Variants in PLXNB2 observed in about 807,000 individuals in gnomAD.
PLXNB2 encodes plexin B2, also known as plexin-B2.
Under a neutral mutation model 202.6 loss-of-function variants are expected in PLXNB2, and 85 were observed. The observed-to-expected ratio is 0.42, with a 90% CI of 0.35 to 0.50. The LOEUF is 0.50. PLXNB2 is among the 20% of genes least tolerant of loss of function. The pLI is 0.02. For missense variants in PLXNB2, 2,063 were observed against 2,586.2 expected, an observed-to-expected ratio of 0.80 and a Z score of 4.39; for synonymous variants, 1,239 against 1,137.6, an observed-to-expected ratio of 1.09 and a Z score of -1.79.
chr22:50,284,698 C>G lies in PLXNB2; in HGVS notation c.2089-33G>C, dbSNP rs375224978. 3 of 1,543,176 alleles carry G rather than the reference C, an allele frequency of 1.9e-6. No individual in the cohort carries two copies. The highest frequency in any genetic ancestry group is 1.8e-6 in the Non-Finnish European group (2 of 1,117,048). On this transcript the variant is annotated intron_variant, in intron 11 of 36. Transcript: ENST00000359337. This position sits in a 1 kb window ranked among gnomAD's most constrained non-coding sequence, Gnocchi z 8.0. ...CCATGCCGTCAGGACCCTGGACAGG[C>G]GGCTGTGGCACCCTGGCCCTCCTCC... is the stretch of plus-strand genomic sequence containing the variant.
Position 50,280,761 on chromosome 22 carries a change from T to A in PLXNB2, c.3976A>T (p.Lys1326Ter). The A allele has an allele frequency of 6.4e-7, 1 of 1,567,894 alleles. No homozygotes were observed. The highest frequency in any genetic ancestry group is 8.7e-7 in the Non-Finnish European group (1 of 1,150,842). The change falls in exon 24 of 37, where the codon AAG (lysine) becomes TAG (stop). Residue 1326 changes from lysine (K) to a stop codon, truncating the protein, a stop_gained. Coordinates refer to ENST00000359337, the MANE Select transcript of PLXNB2 (RefSeq NM_012401.4). LOFTEE classifies it high-confidence loss of function. ...TGGCTCACATTGATGAGGAAAGACT[T>A]GCTGTTCAGCAGGTTGGAGAACTGG... ...LYQFSNLLNS[K>*]SFLINFIHTL...
chr22:50,289,438 C>T lies in PLXNB2; in HGVS notation c.1068+79G>A, dbSNP rs908181399. 3.4e-6 allele frequency: 5 copies of T among 1,468,748 alleles called. No individual in the cohort carries two copies. The South Asian group carries it at 4.0e-5, about 12-fold the overall frequency. 91.0% of individuals were successfully genotyped at this position (1,468,748 alleles called of 1,614,324 possible). ...CGGCCACACTGCTCACGTGCACCCT[C>T]CCCAGCAGGCTGGGACACGCAAACC... On this transcript the variant is annotated intron_variant, in intron 3 of 36. Transcript: ENST00000359337. The surrounding 1 kb of genome is among the most constrained non-coding windows in gnomAD (Gnocchi z 8.0).
chr22:50,300,530 C>T (rs919334377), intron 1 of PLXNB2, among the ~76,000 whole-genome samples: 5 of 152,308 alleles, frequency 3.3e-5, no homozygotes, highest in African/African-American at 1.2e-4. Context: ...CCGGCACAAC[C>T]CGACCTAGGA....
chr22:50,290,621 G>A, intron 2 of PLXNB2, 24 bp from the exon 3 acceptor site: 4 of 1,535,582 alleles, frequency 2.6e-6, no homozygotes, highest in East Asian at 2.4e-5. Flanking sequence ...GAAGGGTCAG[G>A]GGAGCCCCGA....
chr22:50,296,855 G>A (rs573150335), intron 1 of PLXNB2, among the ~76,000 whole-genome samples: 3 of 152,270 alleles, frequency 2.0e-5, no homozygotes, highest in East Asian at 1.9e-4. Context: ...GGGACCCGGG[G>A]TTGGACATGC....
Position 50,299,301 on chromosome 22 carries a change from G to T in PLXNB2, c.-73-4523C>A, listed in dbSNP as rs922167856. On this transcript the variant is annotated intron_variant, in intron 1 of 36. Transcript: ENST00000359337. The stretch of plus-strand genomic sequence containing the variant: ...GGTGGACACAGGCCCTGCGTGGGGT[G>T]GGGGGGGGGCCCGGTGCGGGGGCGG... 1.2e-4 allele frequency among the ~76,000 whole-genome samples: 8 copies of T among 69,228 alleles called. No homozygotes were observed. In the East Asian group the frequency reaches 2.9e-3, roughly 25 times the overall value. The allele number at this position is 69,228 out of a possible 152,430, so 45.4% of individuals were successfully genotyped here.
At position 50,290,287 on chromosome 22, in the gene PLXNB2, G is replaced by A; in HGVS notation, c.298C>T (p.Leu100=). The A allele has an allele frequency of 6.2e-7, 1 of 1,611,852 alleles. No individual in the cohort carries two copies. The highest frequency in any genetic ancestry group is 8.5e-7 in the Non-Finnish European group (1 of 1,180,018). The part of the protein sequence containing the change: ...AEMTDNVNQL[L]LLDPPRKRLV... ...CGCTTCCTGGGAGGGTCGAGCAGCA[G>A]CAGCTGGTTGACATTGTCAGTCATC... Residue 100 remains leucine (L), a synonymous_variant, in exon 3 of 37, where the codon CTG becomes TTG. Transcript: ENST00000359337.
chr22:50,290,405 C>T lies in PLXNB2; in HGVS notation c.180G>A (p.Lys60=). 1 of 1,612,968 alleles carries T rather than the reference C, an allele frequency of 6.2e-7. No homozygotes were observed. The highest frequency in any genetic ancestry group is 8.5e-7 in the Non-Finnish European group (1 of 1,179,992). The stretch of plus-strand genomic sequence containing the variant: ...TGGCCACCTGCTGCTCCAGCTGCAG[C>T]TTCGCATCCAGCTGGTAGAGGGCAT... ...AVNALYQLDA[K]LQLEQQVATG... Residue 60 remains lysine, a synonymous_variant, in exon 3 of 37, where the codon AAG becomes AAA. Coordinates refer to ENST00000359337, the MANE Select transcript of PLXNB2 (RefSeq NM_012401.4).
intron 2 of PLXNB2, 21 bp from the exon 3 acceptor site, chr22:50,290,618 C>T (rs762056078): frequency 3.9e-6 from 6 of 1,540,866 alleles, no homozygotes; most frequent in Non-Finnish European, 8.7e-7. Context: ...AGAGAAGGGT[C>T]AGGGGAGCCC....
rs1290721434 is a variant in PLXNB2 at position 50,287,145 on chromosome 22, G to A, written c.1728C>T (p.Ser576=). The A allele has an allele frequency of 4.5e-6, 7 of 1,542,670 alleles. No individual in the cohort carries two copies. Among genetic ancestry groups the A allele is most frequent in the South Asian group, 1.2e-5 (1 of 83,152 alleles). ...RVEGEAVICN[S]PSSIPVTPPG... ...GCGGTGTGACGGGGATGCTGCTTGGGGAGTTGCAGATGACGGCCTCGCCCT... is the reference window on the plus strand; with the variant it reads ...GCGGTGTGACGGGGATGCTGCTTGGAGAGTTGCAGATGACGGCCTCGCCCT... The change falls in exon 8 of 37, where the codon TCC becomes TCT. Residue 576 remains serine (S), a synonymous_variant. Coordinates refer to ENST00000359337, the MANE Select transcript of PLXNB2 (RefSeq NM_012401.4).
chr22:50,299,434 ACGGAGGCCC>A (rs1223482368), intron 1 of PLXNB2, among the ~76,000 whole-genome samples: 6 of 152,188 alleles, frequency 3.9e-5, no homozygotes, highest in Admixed American at 6.5e-5. Flanking sequence ...CAGAAAAGCC[ACGGAGGCCC>A]CGGAGGCCCC....
chr22:50,284,208 G>A lies in PLXNB2; in HGVS notation c.2187C>T (p.Ser729=), dbSNP rs1182687607. The change falls in exon 13 of 37, where the codon TCC becomes TCT. Residue 729 remains serine (S), a synonymous_variant. Transcript: ENST00000359337. This position sits in a 1 kb window ranked among gnomAD's most constrained non-coding sequence, Gnocchi z 8.0. The part of the protein sequence containing the change: ...GTFAFRTPKL[S]HDANETLPLH... ...GGGGCAGCGTCTCGTTGGCATCGTG[G>A]GACAGCTGGGGGACACGCAGGGGCA... The A allele has an allele frequency of 1.2e-6, 2 of 1,612,786 alleles. No homozygotes were observed. Among genetic ancestry groups the A allele is most frequent in the South Asian group, 2.2e-5 (2 of 91,082 alleles).
In PLXNB2 at chr22:50,290,587, C is replaced by G; in HGVS notation, c.-3G>C. 2 of 1,595,336 alleles carry G rather than the reference C, an allele frequency of 1.3e-6. No homozygotes were observed. The highest frequency in any genetic ancestry group is 2.7e-5 in the African/African-American group (2 of 74,738). ...AGGGCCCAGAGCTGCAGTGCCATTG[C>G]CCCCCGCACCCTGTGGGAAGAGAGA... is the stretch of plus-strand genomic sequence containing the variant. On this transcript the variant is annotated 5_prime_UTR_variant, in exon 3 of 37. Coordinates refer to ENST00000359337, the MANE Select transcript of PLXNB2 (RefSeq NM_012401.4).
intron 1 of PLXNB2, among the ~76,000 whole-genome samples, chr22:50,304,804 C>A (rs1453073336): frequency 2.0e-5 from 3 of 151,342 alleles, no homozygotes; most frequent in Non-Finnish European, 4.4e-5. Context: ...TACTGAATCT[C>A]CCACCCCCAG....
At chr22:50,299,711 C>G (rs1158031071) in intron 1 of PLXNB2, among the ~76,000 whole-genome samples, 1 of 152,078 alleles carries the variant, frequency 6.6e-6, no homozygotes, top group Non-Finnish European at 1.5e-5. Context: ...GCGCGGGAGA[C>G]CCGGCGAGGG....
chr22:50,277,829 C>T (rs777045302), intron 32 of PLXNB2, 24 bp downstream of exon 32: 37 of 1,607,876 alleles, frequency 2.3e-5, no homozygotes, highest in South Asian at 4.4e-5. Context: ...GGGGCTGGGC[C>T]GCGGGGTGGG....
chr22:50,281,505 TG>T lies in PLXNB2; in HGVS notation c.3523-7del, dbSNP rs764008250. 2 of 1,610,608 alleles carry T rather than the reference TG, an allele frequency of 1.2e-6. No individual in the cohort carries two copies. Among genetic ancestry groups the T allele is most frequent in the Admixed American group, 1.7e-5 (1 of 59,964 alleles). ...TCGCGAGAGCCGAACTTCACCTGTG[TG>T]GGGGGCCGGGTTCAGCGCGGTCCCG... On this transcript the variant is annotated splice_region_variant and splice_polypyrimidine_tract_variant and intron_variant, in intron 21 of 36. Transcript: ENST00000359337.
intron 1 of PLXNB2, among the ~76,000 whole-genome samples, chr22:50,298,092 C>G (rs925829082): frequency 9.2e-5 from 14 of 152,240 alleles, no homozygotes; most frequent in African/African-American, 3.4e-4. Context: ...CCCAACAAGT[C>G]CAAACACTGG....
In PLXNB2 at chr22:50,287,133, G is replaced by T. The variant is rs1380564488; in HGVS notation, c.1740C>A (p.Ile580=). 4 of 1,533,848 alleles carry T rather than the reference G, an allele frequency of 2.6e-6. No homozygotes were observed. The South Asian group carries it at 3.7e-5, about 14-fold the overall frequency. ...CACCCTGGCCTGGCGGTGTGACGGG[G>T]ATGCTGCTTGGGGAGTTGCAGATGA... The part of the protein sequence containing the change: ...EAVICNSPSS[I]PVTPPGQDHV... Residue 580 remains isoleucine (I), a synonymous_variant, in exon 8 of 37, where the codon ATC becomes ATA. Coordinates refer to ENST00000359337, the MANE Select transcript of PLXNB2 (RefSeq NM_012401.4).
Sources: gnomAD v4.1 joint callset for allele counts (sites outside exome capture counted in the v4.1 genomes callset) on GRCh38, gnomAD v4.1.1 for gene constraint, Gnocchi (gnomAD v3.1) non-coding constraint, MANE v1.5 for transcripts, NCBI Gene and HGNC (gene_info 2026-07-23, HGNC 2026-07-21) for gene names.